ZFHX3: variants seen among roughly 807,000 people sequenced by gnomAD.
ZFHX3 encodes the protein zinc finger homeobox protein 3.
ZFHX3 carries 42 observed loss-of-function variants against 279.1 expected under a neutral mutation model. The observed-to-expected ratio is 0.15, with a 90% CI of 0.12 to 0.19. The LOEUF (loss-of-function observed/expected upper bound fraction) is 0.19, where lower values mean the gene tolerates loss of function less well. Ranked by LOEUF, ZFHX3 falls within the 10% of genes least tolerant of loss-of-function variation. ZFHX3 has a pLI of 1.00. For synonymous variants in ZFHX3, 2,293 were observed against 1,957.8 expected (o/e 1.17, Z -4.52); for missense variants, 4,981 against 4,754.0 (o/e 1.05, Z -1.40).
intron 3 of ZFHX3, among the ~76,000 whole-genome samples, chr16:72,913,983 T>C (rs2039381265): frequency 6.6e-6 from 1 of 152,130 alleles, no homozygotes; most frequent in African/African-American, 2.4e-5. Context: ...ACAACAATCC[T>C]CCCAAATGAC....
intron 7 of ZFHX3, among the ~76,000 whole-genome samples, chr16:73,119,045 G>T (rs563455073): frequency 1.4e-4 from 22 of 152,254 alleles, no homozygotes; most frequent in African/African-American, 5.1e-4. Flanking sequence ...GTACTATCAT[G>T]TAAATTTCAG....
chr16:73,132,478 G>A (rs1326426169), intron 6 of ZFHX3, among the ~76,000 whole-genome samples: 4 of 152,126 alleles, frequency 2.6e-5, no homozygotes, highest in Admixed American at 2.6e-4. Context: ...TCAGGAACAC[G>A]CCGTAATCAG....
At chr16:73,497,041 A>T (rs1597358519) in intron 2 of ZFHX3, among the ~76,000 whole-genome samples, 2 of 152,218 alleles carry the variant, frequency 1.3e-5, no homozygotes, top group African/African-American at 4.8e-5. Flanking sequence ...TAGTCTCTCC[A>T]GTGTCTCCTC....
At chr16:73,786,541 A>G (rs1959652371) in intron 1 of ZFHX3, among the ~76,000 whole-genome samples, 1 of 152,158 alleles carries the variant, frequency 6.6e-6, no homozygotes, top group Admixed American at 6.5e-5. Flanking sequence ...TAGAAGGAGG[A>G]ATCCTCTCAA....
intron 2 of ZFHX3, among the ~76,000 whole-genome samples, chr16:73,605,108 T>G (rs1292067998): frequency 6.6e-6 from 1 of 152,140 alleles, no homozygotes; most frequent in African/African-American, 2.4e-5. Flanking sequence ...AAAAAAGGAA[T>G]GATTTAGGCC....
chr16:73,433,176 G>A (rs1257220265), intron 3 of ZFHX3, among the ~76,000 whole-genome samples: 3 of 152,208 alleles, frequency 2.0e-5, no homozygotes, highest in African/African-American at 7.2e-5. Context: ...CTGCTGCCAT[G>A]GAGCTGCCAC....
intron 2 of ZFHX3, among the ~76,000 whole-genome samples, chr16:73,474,065 G>A (rs1163664130): frequency 6.6e-6 from 1 of 152,132 alleles, no homozygotes; most frequent in Non-Finnish European, 1.5e-5. Context: ...AGACCAGACA[G>A]GAATGAAACA....
chr16:73,771,903 T>C (rs762635778), intron 1 of ZFHX3, among the ~76,000 whole-genome samples: 5 of 152,188 alleles, frequency 3.3e-5, no homozygotes, highest in Non-Finnish European at 7.3e-5. Flanking sequence ...TTATAGACTG[T>C]GGTCACCTCC....
intron 1 of ZFHX3, among the ~76,000 whole-genome samples, chr16:73,031,861 G>T (rs1379219704): frequency 6.6e-6 from 1 of 152,108 alleles, no homozygotes; most frequent in Non-Finnish European, 1.5e-5. Flanking sequence ...AGTTAGAGTG[G>T]GGAAGGGGGG....
intron 1 of ZFHX3, chr16:73,015,951 C>T (rs531576267): frequency 1.3e-5 from 2 of 152,334 alleles, no homozygotes; most frequent in South Asian, 4.1e-4. Context: ...CCATGTTGAC[C>T]CAGTCAAGGC....
At chr16:73,173,012 T>G (rs1460722499) in intron 5 of ZFHX3, among the ~76,000 whole-genome samples, 1 of 116,842 alleles carries the variant, frequency 8.6e-6, no homozygotes, top group African/African-American at 3.1e-5. Flanking sequence ...TTTTTTGTTT[T>G]TTTTTTTTTT....
intron 4 of ZFHX3, among the ~76,000 whole-genome samples, chr16:72,888,076 G>A (rs77166525): frequency 0.091 from 13,859 of 152,232 alleles, 910 homozygotes; most frequent in Non-Finnish European, 0.14. Context: ...GTAGAAGTAT[G>A]AGAAGAAACA....
At chr16:73,851,656 G>T (rs1010089765) in intron 1 of ZFHX3, among the ~76,000 whole-genome samples, 1 of 152,184 alleles carries the variant, frequency 6.6e-6, no homozygotes, top group African/African-American at 2.4e-5. Flanking sequence ...TCTTTAGAGG[G>T]GACGACGAAG....
At chr16:73,594,783 A>T (rs1404195075) in intron 2 of ZFHX3, among the ~76,000 whole-genome samples, 1 of 152,206 alleles carries the variant, frequency 6.6e-6, no homozygotes, top group Non-Finnish European at 1.5e-5. Flanking sequence ...AATGTCCATG[A>T]TAGTTTCTCT....
intron 3 of ZFHX3, among the ~76,000 whole-genome samples, chr16:73,321,372 G>T (rs1180639711): frequency 6.6e-6 from 1 of 152,062 alleles, no homozygotes; most frequent in African/African-American, 2.4e-5. Flanking sequence ...TGAAAAATGG[G>T]GTCACAGCAG....
chr16:73,371,181 C>T (rs1367576386), intron 3 of ZFHX3, among the ~76,000 whole-genome samples: 1 of 151,656 alleles, frequency 6.6e-6, no homozygotes, highest in East Asian at 2.0e-4. Flanking sequence ...GTGGTGCGTG[C>T]CTGTAGTCCT....
intron 1 of ZFHX3, among the ~76,000 whole-genome samples, chr16:73,056,174 C>T (rs1240086910): frequency 6.6e-6 from 1 of 152,130 alleles, no homozygotes; most frequent in African/African-American, 2.4e-5. Context: ...ACACTTTTTA[C>T]GAAATCCTCT....
intron 2 of ZFHX3, chr16:73,558,321 T>C (rs903092890): frequency 1.3e-5 from 2 of 152,218 alleles, no homozygotes; most frequent in African/African-American, 4.8e-5. Context: ...AGATCCCCTA[T>C]AAATGAGGAC....
At chr16:72,841,535 C>G (rs1255846543) in intron 4 of ZFHX3, among the ~76,000 whole-genome samples, 1 of 152,250 alleles carries the variant, frequency 6.6e-6, no homozygotes, top group African/African-American at 2.4e-5. Flanking sequence ...GGATCCAAAG[C>G]CTCTGTTTTT....
Sources: gnomAD v4.1 joint callset for allele counts (sites outside exome capture counted in the v4.1 genomes callset) on GRCh38, gnomAD v4.1.1 for gene constraint, MANE v1.5 for transcripts, NCBI Gene and HGNC (gene_info 2026-07-23, HGNC 2026-07-21) for gene names.